The following KHDRBS1 variants were observed in gnomAD, a reference collection of about 807,000 sequenced individuals.
The protein encoded by KHDRBS1 is KH RNA binding domain containing, signal transduction associated 1.
A neutral mutation model predicts 48.4 loss-of-function variants in KHDRBS1; 7 were observed. The observed-to-expected ratio is 0.14, with a 90% CI of 0.08 to 0.27. The LOEUF (loss-of-function observed/expected upper bound fraction) is 0.27, where lower values mean the gene tolerates loss of function less well. Ranked by LOEUF, KHDRBS1 falls within the 10% of genes least tolerant of loss-of-function variation. KHDRBS1 has a pLI of 1.00. For synonymous variants in KHDRBS1, 241 were observed against 235.8 expected (o/e 1.02, Z -0.20); for missense variants, 458 against 601.2 (o/e 0.76, Z 2.49).
chr1:32,016,332 A>C (rs1343172740), intron 1 of KHDRBS1, among the ~76,000 whole-genome samples: 2 of 152,338 alleles, frequency 1.3e-5, no homozygotes, highest in Non-Finnish European at 2.9e-5. Flanking sequence ...ACAGATGAGG[A>C]AACCAAGACA....
intron 10 of KHDRBS1, among the ~76,000 whole-genome samples, chr1:32,053,955 A>G (rs189718364): frequency 6.6e-6 from 1 of 152,082 alleles, no homozygotes; most frequent in Admixed American, 6.6e-5. Context: ...GTGGTGGCGC[A>G]TGCCTGTAAT....
At position 32,025,916 on chromosome 1, in the gene KHDRBS1, A is replaced by AAT. The variant is rs201144900; in HGVS notation, c.383-4369_383-4368dup. ...GGTACCACTACACCCAGCTAATTTAAATATATATATATATTTATTTATTTA... is the reference window on the plus strand; with the variant it reads ...GGTACCACTACACCCAGCTAATTTAAATATATATATATATATTTATTTATTTA... On this transcript the variant is annotated intron_variant, in intron 1 of 8. Coordinates refer to ENST00000327300, the MANE Select transcript of KHDRBS1 (RefSeq NM_006559.3). Among the ~76,000 whole-genome samples the AAT allele has an allele frequency of 3.2e-3, 474 of 145,898 alleles. 4 individuals are homozygous for AAT. The highest frequency in any genetic ancestry group is 5.0e-3 in the East Asian group (25 of 4,972).
rs747909018 is a variant in KHDRBS1, at chr1:32,037,944, G to T, written c.1015G>T (p.Val339Leu). Reference sequence around the variant, plus strand: ...TCGAGGCGTGCCACCCCCACCTACTGTGAGGGGTGCTCCAGCACCAAGAGC... The same window carrying T: ...TCGAGGCGTGCCACCCCCACCTACTTTGAGGGGTGCTCCAGCACCAAGAGC... ...VTRGVPPPPTVRGAPAPRART... is the reference protein window; with the variant it reads ...VTRGVPPPPTLRGAPAPRART... Residue 339 changes from valine (V) to leucine (L), a missense_variant, in exon 6 of 9, where the codon GTG becomes TTG. Val to Leu is a conservative substitution (Grantham distance 32). This residue lies in a region of KHDRBS1 where 171 missense variants were observed against 228.7 expected (regional missense o/e 0.75). Coordinates refer to ENST00000327300, the MANE Select transcript of KHDRBS1 (RefSeq NM_006559.3). The T allele has an allele frequency of 2.5e-6, 4 of 1,614,124 alleles. No homozygotes were observed. Among genetic ancestry groups the T allele is most frequent in the Non-Finnish European group, 2.5e-6 (3 of 1,180,044 alleles).
intron 10 of KHDRBS1, among the ~76,000 whole-genome samples, chr1:32,056,010 A>G (rs940378427): frequency 2.6e-5 from 4 of 152,132 alleles, no homozygotes; most frequent in African/African-American, 9.7e-5. Context: ...TTTCGTATAC[A>G]GCTCTCTTCT....
rs752656513 is a variant in KHDRBS1 at position 32,033,247 on chromosome 1, T to C, written c.684T>C (p.His228=). The C allele has an allele frequency of 2.0e-5, 33 of 1,614,072 alleles. No homozygotes were observed. The highest frequency in any genetic ancestry group is 1.1e-4 in the East Asian group (5 of 44,884). ...ATGCCCACTTGAATATGGATCTGCA[T>C]GTCTTCATTGAAGTCTTTGGACCCC... ...PKYAHLNMDL[H]VFIEVFGPPC... is the part of the protein sequence containing the mutation. The change falls in exon 4 of 9, where the codon CAT becomes CAC. Residue 228 remains histidine, a synonymous_variant. Transcript: ENST00000327300.
chr1:32,027,650 A>G (rs1348342447), intron 1 of KHDRBS1, among the ~76,000 whole-genome samples: 4 of 152,188 alleles, frequency 2.6e-5, no homozygotes, highest in African/African-American at 9.7e-5. Flanking sequence ...TTGTCAGAAA[A>G]CCAGGAAGTA....
intron 1 of KHDRBS1, among the ~76,000 whole-genome samples, chr1:32,025,929 ATTTATTTATT>A (rs1181656683): frequency 2.1e-5 from 3 of 145,608 alleles, no homozygotes; most frequent in African/African-American, 7.7e-5. Flanking sequence ...ATATATATAT[ATTTATTTATT>A]TATTTATTTA....
downstream of KHDRBS1, among the ~76,000 whole-genome samples, chr1:32,046,256 C>T (rs1320273812): frequency 6.6e-6 from 1 of 151,828 alleles, no homozygotes; most frequent in Non-Finnish European, 1.5e-5. Flanking sequence ...GCTCCATTAC[C>T]CAGGCTTGGC....
chr1:32,019,357 C>G (rs948050309), intron 1 of KHDRBS1, among the ~76,000 whole-genome samples: 1 of 152,036 alleles, frequency 6.6e-6, no homozygotes, highest in Non-Finnish European at 1.5e-5. Flanking sequence ...TAAGACCAGC[C>G]TGACCAACAT....
chr1:32,038,054 T>A lies in KHDRBS1; in HGVS notation c.1107+18T>A, dbSNP rs754601032. Reference sequence around the variant, plus strand: ...AAGAATATGTAAGAAATTTGAACAATGTGCCATTTCCCAGTACCTAGAAGG... The same window carrying A: ...AAGAATATGTAAGAAATTTGAACAAAGTGCCATTTCCCAGTACCTAGAAGG... On this transcript the variant is annotated intron_variant, in intron 6 of 8. Transcript: ENST00000327300. The A allele has an allele frequency of 1.2e-6, 2 of 1,613,152 alleles. No individual in the cohort carries two copies. Among genetic ancestry groups the A allele is most frequent in the Non-Finnish European group, 1.7e-6 (2 of 1,179,336 alleles).
rs373128165 is a variant in KHDRBS1, at chr1:32,037,979, G to A, written c.1050G>A (p.Ala350=). The part of the protein sequence containing the change: ...RGAPAPRART[A]GIQRIPLPPP... Reference sequence around the variant, plus strand: ...CTCCAGCACCAAGAGCACGGACAGCGGGCATCCAGAGGATACCTTTGCCTC... The same window carrying A: ...CTCCAGCACCAAGAGCACGGACAGCAGGCATCCAGAGGATACCTTTGCCTC... Residue 350 remains alanine (A), a synonymous_variant, in exon 6 of 9, where the codon GCG becomes GCA. Transcript: ENST00000327300. 37 of 1,614,052 alleles carry A rather than the reference G, an allele frequency of 2.3e-5. No individual in the cohort carries two copies. Among genetic ancestry groups the A allele is most frequent in the Non-Finnish European group, 3.1e-5 (36 of 1,180,038 alleles).
At chr1:32,043,985 C>G (rs1224003529), downstream of KHDRBS1, 1 of 152,336 alleles carries the variant, frequency 6.6e-6, no homozygotes, top group Non-Finnish European at 1.5e-5. Context: ...AAGTTGGAAA[C>G]ATTCTTAAAA....
In KHDRBS1 at chr1:32,014,261, C is replaced by T. The variant is rs936680295; in HGVS notation, c.266C>T (p.Pro89Leu). ...CCAGCGCCGACCCCGCTGCTGCCCC[C>T]CTCGGCCACAGCCTCGGTCAAGATG... ...GGPAPTPLLP[P>L]SATASVKMEP... The change falls in exon 1 of 9, where the codon CCC becomes CTC. Residue 89 changes from proline (P) to leucine (L), a missense_variant. Coordinates refer to ENST00000327300, the MANE Select transcript of KHDRBS1 (RefSeq NM_006559.3). The T allele has an allele frequency of 6.5e-7, 1 of 1,542,468 alleles. No homozygotes were observed. The highest frequency in any genetic ancestry group is 1.4e-5 in the African/African-American group (1 of 72,212).
intron 4 of KHDRBS1, 116 bp from the exon 5 acceptor site, chr1:32,036,794 G>A (rs1247873191): frequency 9.9e-6 from 11 of 1,106,134 alleles, no homozygotes; most frequent in Non-Finnish European, 1.4e-5. Flanking sequence ...AATGACCTGA[G>A]ACCTCATCTG....
At chr1:32,029,624 T>C (rs1486315751) in intron 1 of KHDRBS1, among the ~76,000 whole-genome samples, 2 of 152,108 alleles carry the variant, frequency 1.3e-5, no homozygotes, top group Non-Finnish European at 2.9e-5. Context: ...GCCATTGCAC[T>C]CCAACCTGGA....
intron 1 of KHDRBS1, among the ~76,000 whole-genome samples, chr1:32,026,753 G>T (rs1022569484): frequency 6.6e-6 from 1 of 152,150 alleles, no homozygotes; most frequent in Non-Finnish European, 1.5e-5. Context: ...GCCCTCGGAA[G>T]CACAAAGCGA....
At position 32,049,044 on chromosome 1, in the gene KHDRBS1, T is replaced by G. The variant is rs186607665; in HGVS notation, n.1301+3654T>G. 4.8e-3 allele frequency among the ~76,000 whole-genome samples: 691 copies of G among 144,238 alleles called. 6 individuals carry two copies. Among genetic ancestry groups the G allele is most frequent in the African/African-American group, 0.017 (662 of 39,456 alleles). 94.6% of individuals were successfully genotyped at this position (144,238 alleles called of 152,430 possible). A position where few individuals can be genotyped will look rare whatever the true frequency, so the allele number is the denominator to read the frequency against. ...TCTTCTGTGACTGGCTTCCTTTTTG[T>G]TTTTTTTTTGTTTTTTTGGTTTTTT... On this transcript the variant is annotated intron_variant and non_coding_transcript_variant, in intron 10 of 10. Transcript: ENST00000484270.
downstream of KHDRBS1, among the ~76,000 whole-genome samples, chr1:32,046,690 G>A (rs762306238): frequency 6.6e-6 from 1 of 152,144 alleles, no homozygotes; most frequent in East Asian, 1.9e-4. Context: ...TCTGCTCTGA[G>A]GTGTTAGGAT....
In KHDRBS1 at chr1:32,042,506, CTG is replaced by C; in HGVS notation, c.1235-19_1235-18del. ...GTGCTGTCGCCACATGGTTTATAAA[CTG>C]TCTTTGTTTTCCCCACAGGCCAGGA... is the stretch of plus-strand genomic sequence containing the variant. On this transcript the variant is annotated intron_variant, in intron 8 of 8. Transcript: ENST00000327300. The C allele has an allele frequency of 6.4e-7, 1 of 1,568,100 alleles. No individual in the cohort carries two copies. The highest frequency in any genetic ancestry group is 1.1e-5 in the South Asian group (1 of 89,986).
Sources: gnomAD v4.1 joint callset for allele counts (sites outside exome capture counted in the v4.1 genomes callset) on GRCh38, gnomAD v4.1.1 for gene constraint, gnomAD v4.1.1 regional missense constraint, MANE v1.5 for transcripts, NCBI Gene and HGNC (gene_info 2026-07-23, HGNC 2026-07-21) for gene names.